SOX6: variants seen among roughly 807,000 people sequenced by gnomAD.
The protein encoded by SOX6 is SRY-box transcription factor 6.
Under a neutral mutation model 97.8 loss-of-function variants are expected in SOX6, and 11 were observed. The observed-to-expected ratio is 0.11, with a 90% CI of 0.07 to 0.19. SOX6 has a LOEUF of 0.19. Ranked by LOEUF, SOX6 falls within the 10% of genes least tolerant of loss-of-function variation. The pLI is 1.00. For synonymous variants in SOX6, 360 were observed against 371.4 expected (o/e 0.97, Z 0.35); for missense variants, 810 against 1,039.5 (o/e 0.78, Z 3.04).
upstream of SOX6, chr11:16,476,482 C>G (rs1047782675): frequency 3.3e-5 from 5 of 152,140 alleles, no homozygotes; most frequent in Non-Finnish European, 7.4e-5. Context: ...ACAAATCATA[C>G]AATTTTTAAC....
chr11:16,404,692 T>G (rs1858648083), intron 1 of SOX6, among the ~76,000 whole-genome samples: 1 of 151,992 alleles, frequency 6.6e-6, no homozygotes, highest in South Asian at 2.1e-4. Context: ...ATAAAAGGTT[T>G]AAAAGACACA....
At chr11:16,047,864 A>G (rs1855883975) in intron 11 of SOX6, among the ~76,000 whole-genome samples, 1 of 151,814 alleles carries the variant, frequency 6.6e-6, no homozygotes, top group African/African-American at 2.4e-5. Context: ...CCCAAGCTAT[A>G]CATGGAATTT....
At chr11:16,084,900 G>C (rs770619120) in intron 9 of SOX6, among the ~76,000 whole-genome samples, 14 of 152,166 alleles carry the variant, frequency 9.2e-5, no homozygotes, top group Non-Finnish European at 1.6e-4. Flanking sequence ...GGATATAGGT[G>C]AATGATAGAT....
chr11:16,011,322 G>A (rs1854719280), intron 13 of SOX6, among the ~76,000 whole-genome samples: 1 of 152,064 alleles, frequency 6.6e-6, no homozygotes, highest in South Asian at 2.1e-4. Context: ...CTGCTTCAAA[G>A]TATAACAAAA....
intron 15 of SOX6, among the ~76,000 whole-genome samples, chr11:15,979,039 T>A (rs559121163): frequency 6.2e-5 from 4 of 64,006 alleles, no homozygotes; most frequent in African/African-American, 1.9e-4. Flanking sequence ...TATATATATT[T>A]TACATATATA....
intron 6 of SOX6, among the ~76,000 whole-genome samples, chr11:16,165,661 GCCAA>G (rs1850868659): frequency 6.6e-6 from 1 of 152,120 alleles, no homozygotes; most frequent in Non-Finnish European, 1.5e-5. Context: ...ACTTTGGGAG[GCCAA>G]GGCGGGCAGA....
At chr11:15,976,403 GAAGATTAAGT>G (rs1853488071) in intron 15 of SOX6, among the ~76,000 whole-genome samples, 1 of 152,196 alleles carries the variant, frequency 6.6e-6, no homozygotes, top group Non-Finnish European at 1.5e-5. Context: ...ACAGGACTGT[GAAGATTAAGT>G]AAGAACATAT....
intron 6 of SOX6, among the ~76,000 whole-genome samples, chr11:16,166,660 G>A (rs553581893): frequency 1.2e-3 from 185 of 152,318 alleles, no homozygotes; most frequent in Non-Finnish European, 2.1e-3. Flanking sequence ...CCAAGGGACT[G>A]TGGAAGCTCA....
chr11:16,455,324 C>T (rs1238742020), intron 1 of SOX6, among the ~76,000 whole-genome samples: 2 of 151,812 alleles, frequency 1.3e-5, no homozygotes, highest in East Asian at 1.9e-4. Context: ...CCTTGTAGTT[C>T]GACTTGAATA....
intron 12 of SOX6, among the ~76,000 whole-genome samples, chr11:16,024,097 A>T (rs1855147794): frequency 6.6e-6 from 1 of 152,102 alleles, no homozygotes; most frequent in South Asian, 2.1e-4. Flanking sequence ...GTGTACTTAT[A>T]CGAAGGGTAC....
At chr11:16,085,372 G>A (rs1445485365) in intron 9 of SOX6, among the ~76,000 whole-genome samples, 1 of 152,046 alleles carries the variant, frequency 6.6e-6, no homozygotes, top group East Asian at 1.9e-4. Context: ...CTATTAAGAA[G>A]CTAAACTACC....
chr11:16,720,621 C>T (rs1055705719), intron 2 of SOX6, among the ~76,000 whole-genome samples: 1 of 141,896 alleles, frequency 7.0e-6, no homozygotes, highest in African/African-American at 2.6e-5. Context: ...TGCAGCACAC[C>T]AGCATGGCAC....
intron 4 of SOX6, among the ~76,000 whole-genome samples, chr11:16,197,567 T>C (rs1289901467): frequency 6.6e-6 from 1 of 152,218 alleles, no homozygotes; most frequent in African/African-American, 2.4e-5. Context: ...TTTCTTTTAT[T>C]GTTCTTTTAT....
In SOX6 at chr11:16,467,804, C is replaced by G. The variant is rs544278664; in HGVS notation, c.-5+8511G>C. On this transcript the variant is annotated intron_variant, in intron 1 of 15. Transcript: ENST00000396356. The stretch of plus-strand genomic sequence containing the variant: ...AACTTAAAAGTTAAAAACAAACAAA[C>G]AAACAAACAAAAAGACATGCTAAAG... Among the ~76,000 whole-genome samples, 58 of 152,124 alleles carry G rather than the reference C, an allele frequency of 3.8e-4. No homozygotes were observed. The Middle Eastern group carries it at 0.01, about 27-fold the overall frequency.
At chr11:16,383,038 T>G (rs751133929) in intron 1 of SOX6, among the ~76,000 whole-genome samples, 9 of 152,028 alleles carry the variant, frequency 5.9e-5, no homozygotes, top group Non-Finnish European at 1.3e-4. Context: ...AATGGTGTAT[T>G]AGCTTCTGTG....
At chr11:16,081,387 T>G (rs577830970) in intron 9 of SOX6, among the ~76,000 whole-genome samples, 2 of 152,242 alleles carry the variant, frequency 1.3e-5, no homozygotes, top group East Asian at 3.9e-4. Context: ...TCCTTTTTAT[T>G]GTCAATTTAA....
chr11:16,453,373 A>C (rs1373749139), intron 1 of SOX6, among the ~76,000 whole-genome samples: 4 of 151,958 alleles, frequency 2.6e-5, no homozygotes. Context: ...GCATCTTATA[A>C]CCCCTGTGTA....
At position 15,972,708 on chromosome 11, in the gene SOX6, T is replaced by G. The variant is rs1203809969; in HGVS notation, c.*101A>C. On this transcript the variant is annotated 3_prime_UTR_variant, in exon 16 of 16. Coordinates refer to ENST00000683767, the MANE Select transcript of SOX6 (RefSeq NM_001367873.1). ...GAAACAATTAAGACCATTCTGCTGA[T>G]GTAATTGTGGAGCCACAAATGCATG... is the stretch of plus-strand genomic sequence containing the variant. The G allele has an allele frequency of 8.1e-7, 1 of 1,239,060 alleles. No individual in the cohort carries two copies. The highest frequency in any genetic ancestry group is 1.5e-5 in the African/African-American group (1 of 67,048). 76.8% of individuals were successfully genotyped at this position (1,239,060 alleles called of 1,614,324 possible). A position where few individuals can be genotyped will look rare whatever the true frequency, so the allele number is the denominator to read the frequency against.
intron 1 of SOX6, among the ~76,000 whole-genome samples, chr11:16,415,327 T>TA (rs200072059): frequency 0.2 from 28,769 of 145,922 alleles, 3,037 homozygotes; most frequent in Admixed American, 0.32. Context: ...TATGGATGCT[T>TA]AAAAAAAAAA....
Sources: allele counts gnomAD v4.1 joint callset (sites outside exome capture counted in the v4.1 genomes callset), GRCh38; gene constraint gnomAD v4.1.1; transcripts MANE v1.5; gene names NCBI Gene and HGNC (gene_info 2026-07-23, HGNC 2026-07-21).